NDST3: variants seen among roughly 807,000 people sequenced by gnomAD.
NDST3 encodes bifunctional heparan sulfate N-deacetylase/N-sulfotransferase 3.
A neutral mutation model predicts 96.1 loss-of-function variants in NDST3; 58 were observed. The observed-to-expected ratio is 0.60, with a 90% CI of 0.49 to 0.75. The LOEUF is 0.75. Among genes scored for constraint, NDST3 ranks in the 30% least tolerant of loss-of-function variants. NDST3 has a pLI of 0.00. For missense variants in NDST3, 788 were observed against 1,034.2 expected, an observed-to-expected ratio of 0.76 and a Z score of 3.27; for synonymous variants, 333 against 359.7, an observed-to-expected ratio of 0.93 and a Z score of 0.84.
In NDST3 at chr4:118,066,552, A is replaced by T. The variant is rs111216157; in HGVS notation, c.981+11661A>T. On this transcript the variant is annotated intron_variant, in intron 2 of 13. Coordinates refer to ENST00000296499, the MANE Select transcript of NDST3 (RefSeq NM_004784.3). ...TATATATTATATATACATTATATATAATATGTTATATATTATATATACATT... is the reference window on the plus strand; with the variant it reads ...TATATATTATATATACATTATATATTATATGTTATATATTATATATACATT... 7.5e-4 allele frequency among the ~76,000 whole-genome samples: 67 copies of T among 88,944 alleles called. 7 individuals carry two copies. Among genetic ancestry groups the T allele is most frequent in the African/African-American group, 3.7e-3 (65 of 17,666 alleles). 58.4% of individuals were successfully genotyped at this position (88,944 alleles called of 152,430 possible).
intron 6 of NDST3, among the ~76,000 whole-genome samples, chr4:118,150,140 C>T (rs2125914710): frequency 6.6e-6 from 1 of 152,090 alleles, no homozygotes; most frequent in East Asian, 1.9e-4. Context: ...TTTTGATGTG[C>T]TGCTGGATTT....
At chr4:118,249,777 CATTTT>C (rs892634313) in intron 12 of NDST3, among the ~76,000 whole-genome samples, 1 of 151,232 alleles carries the variant, frequency 6.6e-6, no homozygotes, top group Non-Finnish European at 1.5e-5. Flanking sequence ...ATCACACTAT[CATTTT>C]AAGTGCTTTG....
At chr4:118,126,948 T>C (rs1384065793) in intron 4 of NDST3, among the ~76,000 whole-genome samples, 9 of 152,112 alleles carry the variant, frequency 5.9e-5, no homozygotes, top group Admixed American at 3.3e-4. Flanking sequence ...TGATCAGTGA[T>C]GTTGAGCACC....
intron 6 of NDST3, among the ~76,000 whole-genome samples, chr4:118,216,995 G>A (rs1032855506): frequency 3.3e-5 from 5 of 152,084 alleles, no homozygotes; most frequent in Non-Finnish European, 7.4e-5. Flanking sequence ...AAACAAGTAT[G>A]TTTAAAAAGC....
chr4:118,169,934 T>C (rs11947911), intron 6 of NDST3, among the ~76,000 whole-genome samples: 11,202 of 152,158 alleles, frequency 0.074, 921 homozygotes, highest in African/African-American at 0.2. Context: ...TCTCTTCATG[T>C]AGTCCCAGGG....
At chr4:118,158,434 G>C (rs1220866276) in intron 6 of NDST3, among the ~76,000 whole-genome samples, 1 of 152,148 alleles carries the variant, frequency 6.6e-6, no homozygotes, top group South Asian at 2.1e-4. Context: ...AAAAATGGAG[G>C]TTATAGACAT....
At chr4:118,048,658 C>T (rs1724903867) in intron 1 of NDST3, among the ~76,000 whole-genome samples, 1 of 152,122 alleles carries the variant, frequency 6.6e-6, no homozygotes, top group Non-Finnish European at 1.5e-5. Context: ...ATAAAGAGTA[C>T]AATCCGACAA....
At position 118,256,106 on chromosome 4, in the gene NDST3, T is replaced by C. The variant is rs1742105510; in HGVS notation, c.*394T>C. Reference sequence around the variant, plus strand: ...ACTGTTTGCCTGTACGATGTTTTCTTATTATTTTATTCTATAAAGTGTCCT... The same window carrying C: ...ACTGTTTGCCTGTACGATGTTTTCTCATTATTTTATTCTATAAAGTGTCCT... On this transcript the variant is annotated 3_prime_UTR_variant, in exon 14 of 14. Transcript: ENST00000296499. 1 of 152,836 alleles carries C rather than the reference T, an allele frequency of 6.5e-6. No homozygotes were observed. 9.5% of individuals were successfully genotyped at this position (152,836 alleles called of 1,614,324 possible). A position where few individuals can be genotyped will look rare whatever the true frequency, so the allele number is the denominator to read the frequency against.
chr4:118,127,462 T>G (rs1732206177), intron 4 of NDST3, among the ~76,000 whole-genome samples: 1 of 152,122 alleles, frequency 6.6e-6, no homozygotes, highest in Non-Finnish European at 1.5e-5. Context: ...CTTTCTCCAA[T>G]GTATGTTCTT....
intron 6 of NDST3, among the ~76,000 whole-genome samples, chr4:118,204,179 GA>G (rs1438034322): frequency 1.3e-5 from 2 of 152,114 alleles, no homozygotes; most frequent in Non-Finnish European, 2.9e-5. Context: ...CAGTTGCTGT[GA>G]AAGAGCAATG....
intron 2 of NDST3, among the ~76,000 whole-genome samples, chr4:118,086,090 T>G (rs1728395144): frequency 6.6e-6 from 1 of 152,160 alleles, no homozygotes; most frequent in Admixed American, 6.5e-5. Context: ...AGGAACATAC[T>G]CCTCCCCTGT....
chr4:118,116,298 C>T (rs891004619), intron 4 of NDST3, among the ~76,000 whole-genome samples: 4 of 151,918 alleles, frequency 2.6e-5, no homozygotes, highest in Non-Finnish European at 5.9e-5. Context: ...TTGTGAGAGA[C>T]GAAAATACGT....
intron 6 of NDST3, among the ~76,000 whole-genome samples, chr4:118,200,194 T>C (rs1473775822): frequency 6.6e-6 from 1 of 152,166 alleles, no homozygotes; most frequent in East Asian, 1.9e-4. Context: ...AGCCAGAAAC[T>C]AGAGTCAAAA....
At chr4:118,052,986 C>T (rs1033664620) in intron 1 of NDST3, among the ~76,000 whole-genome samples, 1 of 151,846 alleles carries the variant, frequency 6.6e-6, no homozygotes, top group Non-Finnish European at 1.5e-5. Context: ...TTACTAAACT[C>T]CTCAAAAAGC....
At position 118,222,399 on chromosome 4, in the gene NDST3, GA is replaced by G. The variant is rs33971782; in HGVS notation, c.1540-2082del. Among the ~76,000 whole-genome samples, 1,046 of 148,348 alleles carry G rather than the reference GA, an allele frequency of 7.1e-3. 13 individuals are homozygous for G. Among genetic ancestry groups the G allele is most frequent in the African/African-American group, 0.024 (968 of 40,592 alleles). ...GTCTATAGAAAATATTGTGATTCATGAAAAAAAAAAGTTCAAAAAGAAATTG... is the reference window on the plus strand; with the variant it reads ...GTCTATAGAAAATATTGTGATTCATGAAAAAAAAAGTTCAAAAAGAAATTG... On this transcript the variant is annotated intron_variant, in intron 6 of 13. Coordinates refer to ENST00000296499, the MANE Select transcript of NDST3 (RefSeq NM_004784.3).
intron 4 of NDST3, among the ~76,000 whole-genome samples, chr4:118,117,197 A>G (rs943635411): frequency 1.3e-5 from 2 of 152,230 alleles, no homozygotes; most frequent in African/African-American, 4.8e-5. Flanking sequence ...ATAGATATGA[A>G]AAAAGACTGA....
intron 6 of NDST3, among the ~76,000 whole-genome samples, chr4:118,219,929 C>A (rs1432824665): frequency 1.3e-5 from 2 of 152,076 alleles, no homozygotes; most frequent in Non-Finnish European, 2.9e-5. Flanking sequence ...CATCACTGAT[C>A]ATTAGAGAAA....
At chr4:118,152,527 A>G (rs1734465550) in intron 6 of NDST3, among the ~76,000 whole-genome samples, 2 of 152,202 alleles carry the variant, frequency 1.3e-5, no homozygotes, top group South Asian at 2.1e-4. Flanking sequence ...ACAATTGGTA[A>G]CCAAAACCCT....
At chr4:118,200,082 C>T (rs1345377845) in intron 6 of NDST3, among the ~76,000 whole-genome samples, 2 of 152,176 alleles carry the variant, frequency 1.3e-5, no homozygotes, top group African/African-American at 4.8e-5. Context: ...TGAAGATCTG[C>T]AATTAGCTGG....
Sources: allele counts gnomAD v4.1 joint callset (sites outside exome capture counted in the v4.1 genomes callset), GRCh38; gene constraint gnomAD v4.1.1; transcripts MANE v1.5; gene names NCBI Gene and HGNC (gene_info 2026-07-23, HGNC 2026-07-21).